The following CLCN5 variants were observed in gnomAD, a reference collection of about 807,000 sequenced individuals.
CLCN5 encodes the protein H(+)/Cl(-) exchange transporter 5.
In CLCN5, 17 loss-of-function variants were observed where a neutral mutation model predicts 54.0. That is an observed-to-expected ratio of 0.31 (90% confidence interval 0.22 to 0.47). The LOEUF (loss-of-function observed/expected upper bound fraction) is 0.47. CLCN5 is among the 20% of genes least tolerant of loss of function. CLCN5 has a pLI of 1.00. For missense variants in CLCN5, 448 were observed against 646.7 expected, an observed-to-expected ratio of 0.69 and a Z score of 3.33; for synonymous variants, 222 against 233.0, an observed-to-expected ratio of 0.95 and a Z score of 0.43.
At chrX:49,987,444 T>A (rs1929038340) in intron 3 of CLCN5, among the ~76,000 whole-genome samples, 2 of 112,156 alleles carry the variant, frequency 1.8e-5, no homozygotes, top group African/African-American at 3.2e-5. Context: ...GAAGTTTATC[T>A]GTATGTTCTT....
chrX:49,972,506 G>A (rs965073403), intron 3 of CLCN5, among the ~76,000 whole-genome samples: 2 of 111,655 alleles, frequency 1.8e-5, no homozygotes, highest in Non-Finnish European at 3.8e-5. Context: ...AAATGCTTTC[G>A]CTGTATCAGC....
rs782232599 is a variant in CLCN5, at chrX:49,938,096, C to T, written c.16+12782C>T. Among the ~76,000 whole-genome samples the T allele has an allele frequency of 3.6e-5, 4 of 111,221 alleles. No homozygotes were observed. The East Asian group carries it at 1.1e-3, about 31-fold the overall frequency. ...GATGTTCAGAGACAAGAGTCACTAT[C>T]CTGTGTTAAGTGACCCTGCTTCTCT... is the stretch of plus-strand genomic sequence containing the variant. On this transcript the variant is annotated intron_variant, in intron 3 of 14. Coordinates refer to ENST00000376091, the MANE Select transcript of CLCN5 (RefSeq NM_001127898.4).
intron 7 of CLCN5, among the ~76,000 whole-genome samples, chrX:50,079,823 G>A (rs1326212570): frequency 9.0e-6 from 1 of 110,526 alleles, no homozygotes; most frequent in Admixed American, 9.7e-5. Flanking sequence ...TGGACCAAAG[G>A]GTACAAATTT....
chrX:50,072,033 T>C (rs1171521071), intron 5 of CLCN5, among the ~76,000 whole-genome samples: 1 of 111,742 alleles, frequency 8.9e-6, no homozygotes, highest in Non-Finnish European at 1.9e-5. Context: ...GTTTGTGGGA[T>C]GAAGTCTGGG....
intron 3 of CLCN5, among the ~76,000 whole-genome samples, chrX:49,979,005 G>A (rs1928607751): frequency 9.0e-6 from 1 of 111,353 alleles, no homozygotes; most frequent in South Asian, 3.8e-4. Context: ...CTCCACAAAG[G>A]TGAGGAAGAA....
rs781919401 is a variant in CLCN5 at position 50,010,899 on chromosome X, A to T, written c.17-31417A>T. 3 of 96,898 alleles carry T rather than the reference A, an allele frequency of 3.1e-5. No homozygotes were observed. In the East Asian group the frequency reaches 1.1e-3, roughly 36 times the overall value. The allele number at this position is 96,898 out of a possible 1,213,427, so 8.0% of individuals were successfully genotyped here. A position where few individuals can be genotyped will look rare whatever the true frequency, so the allele number is the denominator to read the frequency against. On this transcript the variant is annotated intron_variant, in intron 3 of 14. Coordinates refer to ENST00000376091, the MANE Select transcript of CLCN5 (RefSeq NM_001127898.4). Reference sequence around the variant, plus strand: ...GAGCCATATCTGGTTCCCTACCTTCATGGAGTGTACAGTTCAGGGAGGAGA... The same window carrying T: ...GAGCCATATCTGGTTCCCTACCTTCTTGGAGTGTACAGTTCAGGGAGGAGA...
chrX:49,987,641 T>C (rs1204070001), intron 3 of CLCN5, among the ~76,000 whole-genome samples: 1 of 111,830 alleles, frequency 8.9e-6, no homozygotes, highest in Non-Finnish European at 1.9e-5. Context: ...ACTGGTGTTG[T>C]AATTGTCAAC....
At chrX:49,936,966 G>A (rs1382975053) in intron 3 of CLCN5, among the ~76,000 whole-genome samples, 3 of 111,407 alleles carry the variant, frequency 2.7e-5, no homozygotes, top group Non-Finnish European at 5.6e-5. Context: ...GGTGGTTCAC[G>A]CCTGTAATCC....
chrX:50,017,661 T>C (rs1181569274), intron 3 of CLCN5, among the ~76,000 whole-genome samples: 2 of 106,265 alleles, frequency 1.9e-5, no homozygotes, highest in African/African-American at 6.9e-5. Flanking sequence ...TTTGTGAAAG[T>C]TGAAGACCTA....
intron 3 of CLCN5, among the ~76,000 whole-genome samples, chrX:49,993,552 T>C (rs1929367559): frequency 8.9e-6 from 1 of 112,290 alleles, no homozygotes; most frequent in African/African-American, 3.2e-5. Flanking sequence ...AATCATCATA[T>C]AATCCAAAAG....
chrX:50,009,939 C>T (rs1930409881), intron 3 of CLCN5: 1 of 275,815 alleles, frequency 3.6e-6, no homozygotes, highest in Non-Finnish European at 7.0e-6. Flanking sequence ...GGGCATTGGA[C>T]ACAGAGAAAT....
rs1319442298 is a variant in CLCN5, at chrX:49,998,134, C to G, written c.17-44182C>G. The stretch of plus-strand genomic sequence containing the variant: ...GTCATAGTGTCCTGGTTAATCCTTG[C>G]AACAACCCTAAGAATCAGGGACTCC... On this transcript the variant is annotated intron_variant, in intron 3 of 14. Coordinates refer to ENST00000376091, the MANE Select transcript of CLCN5 (RefSeq NM_001127898.4). Among the ~76,000 whole-genome samples the G allele has an allele frequency of 3.6e-5, 4 of 111,100 alleles. No individual in the cohort carries two copies. In the Admixed American group the frequency reaches 3.8e-4, roughly 11 times the overall value.
intron 3 of CLCN5, among the ~76,000 whole-genome samples, chrX:50,004,413 G>A (rs1930046851): frequency 9.0e-6 from 1 of 111,134 alleles, no homozygotes; most frequent in South Asian, 3.8e-4. Flanking sequence ...CAGCATAGAT[G>A]GTGGTGGAGA....
At chrX:49,985,627 T>C in intron 3 of CLCN5, among the ~76,000 whole-genome samples, 1 of 111,953 alleles carries the variant, frequency 8.9e-6, no homozygotes, top group East Asian at 2.8e-4. Context: ...TTTAAAAATT[T>C]ACTGGATATT....
chrX:50,049,055 C>T (rs986014509), intron 4 of CLCN5, among the ~76,000 whole-genome samples: 5 of 111,129 alleles, frequency 4.5e-5, no homozygotes, highest in African/African-American at 6.5e-5. Context: ...TGTCTATAAC[C>T]TCCTACTCCA....
chrX:50,044,716 A>G (rs1277596132), intron 4 of CLCN5, among the ~76,000 whole-genome samples: 1 of 111,633 alleles, frequency 9.0e-6, no homozygotes, highest in Non-Finnish European at 1.9e-5. Context: ...GATGGGGAAT[A>G]TCACAAAGTA....
intron 3 of CLCN5, among the ~76,000 whole-genome samples, chrX:49,980,144 A>T (rs1259055419): frequency 9.0e-6 from 1 of 111,061 alleles, no homozygotes; most frequent in Non-Finnish European, 1.9e-5. Flanking sequence ...GTCTCCCTTA[A>T]TTTTACACTA....
chrX:50,000,384 T>G (rs1465109460), intron 3 of CLCN5, among the ~76,000 whole-genome samples: 1 of 110,031 alleles, frequency 9.1e-6, no homozygotes, highest in Non-Finnish European at 1.9e-5. Context: ...TGGGCCACAG[T>G]GGCGTGTGAA....
At chrX:50,060,160 T>G (rs1461650175) in intron 4 of CLCN5, among the ~76,000 whole-genome samples, 1 of 109,987 alleles carries the variant, frequency 9.1e-6, no homozygotes, top group Non-Finnish European at 1.9e-5. Flanking sequence ...GGAGCCAAGA[T>G]GGCCGAATAG....
Sources: allele counts gnomAD v4.1 joint callset (sites outside exome capture counted in the v4.1 genomes callset), GRCh38; gene constraint gnomAD v4.1.1; transcripts MANE v1.5; gene names NCBI Gene and HGNC (gene_info 2026-07-23, HGNC 2026-07-21).